The following DMD variants were observed in gnomAD, a reference collection of about 807,000 sequenced individuals.
DMD encodes dystrophin.
In DMD, 63 loss-of-function variants were observed where a neutral mutation model predicts 330.1. That is an observed-to-expected ratio of 0.19 (90% confidence interval 0.16 to 0.24). DMD has a LOEUF of 0.24. Ranked by LOEUF, DMD falls within the 10% of genes least tolerant of loss-of-function variation. The pLI, the probability that DMD is intolerant of heterozygous loss-of-function variation, is 1.00. For synonymous variants in DMD, 1,223 were observed against 959.8 expected, an observed-to-expected ratio of 1.27 and a Z score of -5.07; for missense variants, 3,344 against 2,684.1, an observed-to-expected ratio of 1.25 and a Z score of -5.43.
intron 45 of DMD, among the ~76,000 whole-genome samples, chrX:31,965,739 C>T (rs748766467): frequency 2.7e-5 from 3 of 111,393 alleles, no homozygotes; most frequent in Non-Finnish European, 5.7e-5. Context: ...TTGGTGGCTA[C>T]GCCATCATTA....
At chrX:32,965,375 T>C (rs2147081772) in intron 2 of DMD, among the ~76,000 whole-genome samples, 1 of 108,931 alleles carries the variant, frequency 9.2e-6, no homozygotes, top group East Asian at 2.9e-4. Flanking sequence ...ATGCCTGTAG[T>C]AGCAGCTACT....
At chrX:31,271,287 A>G (rs2051611076) in intron 62 of DMD, among the ~76,000 whole-genome samples, 1 of 111,641 alleles carries the variant, frequency 9.0e-6, no homozygotes, top group Admixed American at 9.5e-5. Flanking sequence ...ACAGTTGGAC[A>G]TCTGAGTCTT....
chrX:32,056,390 TA>T (rs34726053), intron 44 of DMD, among the ~76,000 whole-genome samples: 4,445 of 47,529 alleles, frequency 0.094, 210 homozygotes, highest in African/African-American at 0.21. Context: ...GTAGATTAAG[TA>T]AAAAAAAAAA....
intron 29 of DMD, among the ~76,000 whole-genome samples, chrX:32,436,754 C>T (rs1381354254): frequency 9.1e-6 from 1 of 110,116 alleles, no homozygotes; most frequent in Non-Finnish European, 1.9e-5. Flanking sequence ...GAGTTCAAGA[C>T]CAGCCTGGAC....
At chrX:32,325,311 T>G (rs747479409) in intron 41 of DMD, among the ~76,000 whole-genome samples, 2 of 111,528 alleles carry the variant, frequency 1.8e-5, no homozygotes, top group Non-Finnish European at 3.8e-5. Context: ...AAAGTAATAC[T>G]GCAATACATT....
intron 9 of DMD, among the ~76,000 whole-genome samples, chrX:32,678,379 T>A (rs2062114699): frequency 8.9e-6 from 1 of 111,826 alleles, no homozygotes; most frequent in Non-Finnish European, 1.9e-5. Context: ...AACTAAAATA[T>A]CCAAATAGAC....
At chrX:31,793,144 T>G (rs2091657306) in intron 50 of DMD, among the ~76,000 whole-genome samples, 1 of 111,041 alleles carries the variant, frequency 9.0e-6, no homozygotes, top group Admixed American at 9.6e-5. Flanking sequence ...TTCTCTCTGA[T>G]GTCCAGCTGT....
In DMD at chrX:31,426,599, C is replaced by A. The variant is rs188647879; in HGVS notation, c.9084+17882G>T. Among the ~76,000 whole-genome samples, 651 of 112,294 alleles carry A rather than the reference C, an allele frequency of 5.8e-3. 4 individuals are homozygous for A. Among genetic ancestry groups the A allele is most frequent in the African/African-American group, 0.02 (632 of 30,909 alleles). On this transcript the variant is annotated intron_variant, in intron 60 of 78. Coordinates refer to ENST00000357033, the MANE Select transcript of DMD (RefSeq NM_004006.3). Reference sequence around the variant, plus strand: ...TCAGAGCCTGTTTACCCGAACTCCCCACTTCAGCTACAGTCTGAATTCCTA... The same window carrying A: ...TCAGAGCCTGTTTACCCGAACTCCCAACTTCAGCTACAGTCTGAATTCCTA...
chrX:33,278,344 G>A (rs1301636091), intron 1 of DMD, among the ~76,000 whole-genome samples: 5 of 110,351 alleles, frequency 4.5e-5, no homozygotes, highest in Non-Finnish European at 9.5e-5. Flanking sequence ...CCCTCCCCTC[G>A]ATTGTAGTCC....
In DMD at chrX:32,297,105, T is replaced by G. The variant is rs747531456; in HGVS notation, c.6118-9404A>C. ...AGGCACAGTTTTCATCATACAGACCTAGCCACACTAGTTTTAACTAGTAAT... is the reference window on the plus strand; with the variant it reads ...AGGCACAGTTTTCATCATACAGACCGAGCCACACTAGTTTTAACTAGTAAT... On this transcript the variant is annotated intron_variant, in intron 42 of 78. Transcript: ENST00000357033. 1.7e-4 allele frequency among the ~76,000 whole-genome samples: 19 copies of G among 111,035 alleles called. No individual in the cohort carries two copies. In the East Asian group the frequency reaches 4.5e-3, roughly 26 times the overall value.
At chrX:32,703,889 C>A (rs1271215133) in intron 7 of DMD, among the ~76,000 whole-genome samples, 1 of 111,438 alleles carries the variant, frequency 9.0e-6, no homozygotes, top group Non-Finnish European at 1.9e-5. Flanking sequence ...GTGGCTGAAT[C>A]CCCAAAGTAA....
chrX:31,725,983 T>A (rs966440311), intron 52 of DMD, among the ~76,000 whole-genome samples: 7 of 112,449 alleles, frequency 6.2e-5, no homozygotes, highest in African/African-American at 2.3e-4. Flanking sequence ...ATTCTTCTAA[T>A]CTTATCTGCT....
At chrX:32,252,707 A>AAT (rs1328013656) in intron 43 of DMD, among the ~76,000 whole-genome samples, 4 of 18,318 alleles carry the variant, frequency 2.2e-4, no homozygotes, top group Non-Finnish European at 2.8e-4. Flanking sequence ...AATATATATA[A>AAT]ATATATAAAT....
intron 57 of DMD, among the ~76,000 whole-genome samples, chrX:31,493,380 T>C (rs1474444918): frequency 2.7e-5 from 3 of 112,364 alleles, no homozygotes; most frequent in Non-Finnish European, 3.8e-5. Flanking sequence ...AAAGATCTGG[T>C]CAAATGTAGA....
intron 1 of DMD, among the ~76,000 whole-genome samples, chrX:33,168,666 C>G (rs1304539483): frequency 9.1e-6 from 1 of 109,796 alleles, no homozygotes; most frequent in African/African-American, 3.3e-5. Flanking sequence ...TTGTGGAAAA[C>G]AGAAGTCAAT....
intron 41 of DMD, among the ~76,000 whole-genome samples, chrX:32,335,738 CAT>C (rs985794584): frequency 7.0e-5 from 2 of 28,561 alleles, no homozygotes; most frequent in Non-Finnish European, 1.5e-4. Context: ...ATACGTAGAA[CAT>C]GTGTATATAG....
At position 32,337,696 on chromosome X, in the gene DMD, T is replaced by A. The variant is rs188345326; in HGVS notation, c.5922+4404A>T. Among the ~76,000 whole-genome samples the A allele has an allele frequency of 2.7e-5, 3 of 110,668 alleles. No homozygotes were observed. The Admixed American group carries it at 2.9e-4, about 11-fold the overall frequency. ...AGTCTTGTTTTTATCTCCCTTTACATAGCATATGTAATATGCAGGATATGA... is the reference window on the plus strand; with the variant it reads ...AGTCTTGTTTTTATCTCCCTTTACAAAGCATATGTAATATGCAGGATATGA... On this transcript the variant is annotated intron_variant, in intron 41 of 78. Transcript: ENST00000357033.
At chrX:32,897,253 G>A (rs2085807610) in intron 2 of DMD, among the ~76,000 whole-genome samples, 1 of 110,877 alleles carries the variant, frequency 9.0e-6, no homozygotes, top group African/African-American at 3.3e-5. Flanking sequence ...AAATTTTAAT[G>A]TTTTTAGAAA....
chrX:32,808,154 T>A (rs1452341643), intron 7 of DMD, among the ~76,000 whole-genome samples: 2 of 111,464 alleles, frequency 1.8e-5, no homozygotes, highest in African/African-American at 6.5e-5. Flanking sequence ...AGTTTCTCCC[T>A]TAGAGCTAAA....
Sources: gnomAD v4.1 joint callset for allele counts (sites outside exome capture counted in the v4.1 genomes callset) on GRCh38, gnomAD v4.1.1 for gene constraint, MANE v1.5 for transcripts, NCBI Gene and HGNC (gene_info 2026-07-23, HGNC 2026-07-21) for gene names.